CES1: variants seen among roughly 807,000 people sequenced by gnomAD.
CES1 encodes carboxylesterase 1, also known as liver carboxylesterase 1.
A neutral mutation model predicts 53.0 loss-of-function variants in CES1; 50 were observed. That is an observed-to-expected ratio of 0.94 (90% CI 0.75 to 1.19). CES1 has a LOEUF of 1.19. Ranked by LOEUF, CES1 falls within the 50% of genes most tolerant of loss-of-function variation. The pLI is 0.00. For missense variants in CES1, 534 were observed against 538.0 expected (o/e 0.99, Z 0.07); for synonymous variants, 202 against 210.1 (o/e 0.96, Z 0.33).
intron 1 of CES1, among the ~76,000 whole-genome samples, chr16:55,830,819 A>AAGGAAGGAAGGAAGGAAGGAAGGC (rs1454708070): frequency 8.8e-4 from 112 of 127,288 alleles, no homozygotes; most frequent in South Asian, 5.4e-3. Context: ...GGAAGGAAGG[A>AAGGAAGGAAGGAAGGAAGGAAGGC]AGGCAGGCAG....
At chr16:55,819,722 G>A in intron 6 of CES1, 83 bp from the exon 7 acceptor site, 1 of 1,187,134 alleles carries the variant, frequency 8.4e-7, no homozygotes, top group Non-Finnish European at 1.3e-6. Flanking sequence ...TCTATCCCAA[G>A]CCCAACTTGT....
intron 2 of CES1, among the ~76,000 whole-genome samples, chr16:55,826,599 T>C (rs1328236213): frequency 6.6e-6 from 1 of 152,188 alleles, no homozygotes; most frequent in Non-Finnish European, 1.5e-5. Context: ...GGAGGTGACA[T>C]TTCTCACAAT....
intron 3 of CES1, among the ~76,000 whole-genome samples, chr16:55,825,662 C>G (rs2032388073): frequency 6.6e-6 from 1 of 152,214 alleles, no homozygotes; most frequent in Admixed American, 6.5e-5. Context: ...AAGCTCAATG[C>G]CCTACTCCAT....
intron 9 of CES1, chr16:55,812,574 A>G (rs1397102359): frequency 2.4e-6 from 1 of 408,250 alleles, no homozygotes; most frequent in African/African-American, 2.0e-5. Context: ...GCTTCTCCGG[A>G]CTCCTCCACT....
chr16:55,814,551 A>G (rs1320681777), intron 8 of CES1, among the ~76,000 whole-genome samples: 7 of 152,242 alleles, frequency 4.6e-5, no homozygotes, highest in South Asian at 2.1e-4. Flanking sequence ...GAACACATGT[A>G]AAATACTTAG....
chr16:55,832,019 C>G (rs1261112313), intron 1 of CES1, among the ~76,000 whole-genome samples: 1 of 152,196 alleles, frequency 6.6e-6, no homozygotes, highest in Non-Finnish European at 1.5e-5. Context: ...GTCCAGCCAC[C>G]CCAGAGCCCA....
intron 9 of CES1, chr16:55,812,434 G>C (rs2031740173): frequency 4.0e-6 from 1 of 247,530 alleles, no homozygotes; most frequent in Non-Finnish European, 8.2e-6. Context: ...CTGTTCCCTA[G>C]AAGTCAATGG....
chr16:55,814,478 T>G (rs1432127554), intron 8 of CES1, among the ~76,000 whole-genome samples: 1 of 152,258 alleles, frequency 6.6e-6, no homozygotes, highest in African/African-American at 2.4e-5. Flanking sequence ...GGCTGGGAGT[T>G]TCACCTGTTT....
chr16:55,810,330 T>A (rs1372106450), intron 11 of CES1, among the ~76,000 whole-genome samples, 187 bp downstream of exon 11: 1 of 152,166 alleles, frequency 6.6e-6, no homozygotes, highest in African/African-American at 2.4e-5. Flanking sequence ...CCTCTGGATT[T>A]TTTTTTCTCA....
chr16:55,813,113 C>G, intron 8 of CES1, 70 bp from the exon 9 acceptor site: 1 of 1,604,664 alleles, frequency 6.2e-7, no homozygotes, highest in Non-Finnish European at 8.5e-7. Flanking sequence ...CTCTGCCTGT[C>G]TGAGGGTGAG....
intron 6 of CES1, chr16:55,819,862 C>T (rs1210987263): frequency 9.5e-6 from 6 of 634,778 alleles, no homozygotes; most frequent in Admixed American, 9.1e-5. Flanking sequence ...ATCTCTGCTA[C>T]CTTATCTCCA....
At chr16:55,819,021 G>A (rs1389189800) in intron 7 of CES1, among the ~76,000 whole-genome samples, 1 of 152,246 alleles carries the variant, frequency 6.6e-6, no homozygotes, top group South Asian at 2.1e-4. Context: ...TGAACAGATA[G>A]ATGGATAAGA....
In CES1 at chr16:55,809,743, C is replaced by T. The variant is rs543117661; in HGVS notation, c.1318+774G>A. The stretch of plus-strand genomic sequence containing the variant: ...TCTCTCTGGCCTTCTTGGTCCTGGA[C>T]AATCCTCTGGATCCCATGCAGGGCT... On this transcript the variant is annotated intron_variant, in intron 11 of 13. Transcript: ENST00000360526. 2.0e-5 allele frequency among the ~76,000 whole-genome samples: 3 copies of T among 152,346 alleles called. No homozygotes were observed. In the South Asian group the frequency reaches 6.2e-4, roughly 32 times the overall value.
At chr16:55,826,355 A>G in intron 2 of CES1, 60 bp from the exon 3 acceptor site, 1 of 1,599,326 alleles carries the variant, frequency 6.3e-7, no homozygotes, top group African/African-American at 1.3e-5. Context: ...GGTGTTTTCT[A>G]CGGCAGCGCC....
At chr16:55,819,378 G>T (rs573211679) in intron 7 of CES1, among the ~76,000 whole-genome samples, 157 bp downstream of exon 7, 1 of 152,062 alleles carries the variant, frequency 6.6e-6, no homozygotes, top group Non-Finnish European at 1.5e-5. Context: ...TACATTTGTG[G>T]CATTTTACAA....
At chr16:55,819,147 A>C (rs1814268) in intron 7 of CES1, among the ~76,000 whole-genome samples, 1 of 152,140 alleles carries the variant, frequency 6.6e-6, no homozygotes, top group South Asian at 2.1e-4. Context: ...AATACAGACA[A>C]TTTCTAAGTC....
intron 9 of CES1, among the ~76,000 whole-genome samples, chr16:55,812,160 C>G (rs377226927): frequency 6.6e-6 from 1 of 152,228 alleles, no homozygotes; most frequent in African/African-American, 2.4e-5. Flanking sequence ...CTGCTTTAAC[C>G]AGGGTCAGTT....
intron 7 of CES1, among the ~76,000 whole-genome samples, chr16:55,817,596 G>A (rs2031995817): frequency 6.6e-6 from 1 of 152,128 alleles, no homozygotes; most frequent in African/African-American, 2.4e-5. Context: ...CCTGTGCTCA[G>A]GATGTAACCA....
rs1241631181 is a variant in CES1 at position 55,813,132 on chromosome 16, C to T, written c.946-89G>A. 74 of 1,550,266 alleles carry T rather than the reference C, an allele frequency of 4.8e-5. No homozygotes were observed. In the African/African-American group the frequency reaches 7.7e-4, roughly 16 times the overall value. On this transcript the variant is annotated intron_variant, in intron 8 of 13. Coordinates refer to ENST00000360526, the MANE Select transcript of CES1 (RefSeq NM_001025195.2). ...GCCTGTCTGAGGGTGAGACCAGTAC[C>T]ATAGACCGGCATGGCCATGCGCCAT...
Sources: allele counts gnomAD v4.1 joint callset (sites outside exome capture counted in the v4.1 genomes callset), GRCh38; gene constraint gnomAD v4.1.1; transcripts MANE v1.5; gene names NCBI Gene and HGNC (gene_info 2026-07-23, HGNC 2026-07-21).